The following LIN7A variants were observed in gnomAD, a reference collection of about 807,000 sequenced individuals.
The protein encoded by LIN7A is protein lin-7 homolog A.
Under a neutral mutation model 29.8 loss-of-function variants are expected in LIN7A, and 25 were observed. That is an observed-to-expected ratio of 0.84 (90% CI 0.61 to 1.17). The LOEUF (loss-of-function observed/expected upper bound fraction) is 1.17. LIN7A is among the 50% of genes most tolerant of loss of function. The probability of loss-of-function intolerance (pLI) is 0.00; values close to 1 mark genes in which losing one functional copy is unlikely to be tolerated. For synonymous variants in LIN7A, 118 were observed against 107.5 expected (o/e 1.10, Z -0.60); for missense variants, 239 against 287.0 (o/e 0.83, Z 1.21).
Position 80,811,445 on chromosome 12 carries a change from T to C in LIN7A, c.*20A>G. 1.1e-6 allele frequency: 1 copy of C among 870,828 alleles called. No individual in the cohort carries two copies. Among genetic ancestry groups the C allele is most frequent in the Middle Eastern group, 2.5e-4 (1 of 3,924 alleles). The allele number at this position is 870,828 out of a possible 1,614,324, so 53.9% of individuals were successfully genotyped here. On this transcript the variant is annotated intron_variant, in intron 5 of 5. Coordinates refer to ENST00000552864, the MANE Select transcript of LIN7A (RefSeq NM_004664.4). ...TATATATATATATATACTCCTTGTA[T>C]AGAATAAGTCACTTCTCACCTATGA...
intron 4 of LIN7A, chr12:80,832,456 T>G (rs893582482): frequency 4.5e-6 from 2 of 442,720 alleles, no homozygotes; most frequent in African/African-American, 4.2e-5. Context: ...CCATGGTAAT[T>G]GGGATCAACT....
chr12:80,848,168 G>T, intron 3 of LIN7A, 83 bp downstream of exon 3: 2 of 999,936 alleles, frequency 2.0e-6, no homozygotes, highest in South Asian at 2.7e-5. Context: ...GTGTACACAC[G>T]AGAATACCTG....
intron 4 of LIN7A, among the ~76,000 whole-genome samples, chr12:80,826,470 T>C (rs1332181141): frequency 6.6e-6 from 1 of 152,170 alleles, no homozygotes; most frequent in Non-Finnish European, 1.5e-5. Context: ...TTATGATTTC[T>C]TGCCTGGATT....
At chr12:80,814,788 T>G (rs1386387820) in intron 4 of LIN7A, among the ~76,000 whole-genome samples, 1 of 152,202 alleles carries the variant, frequency 6.6e-6, no homozygotes, top group Non-Finnish European at 1.5e-5. Context: ...CCAGAAATTT[T>G]GCCTTCATGC....
intron 2 of LIN7A, among the ~76,000 whole-genome samples, chr12:80,882,323 C>A (rs1875096503): frequency 1.7e-5 from 1 of 59,110 alleles, no homozygotes; most frequent in Non-Finnish European, 5.1e-5. Context: ...CTCGCTCTGT[C>A]GCCCAGGCTG....
chr12:80,835,142 G>A (rs1872547037), intron 4 of LIN7A, among the ~76,000 whole-genome samples: 1 of 152,112 alleles, frequency 6.6e-6, no homozygotes, highest in Non-Finnish European at 1.5e-5. Context: ...AACAGAAGAA[G>A]GACCATTACT....
chr12:80,899,765 C>CTTTT (rs760389788), intron 1 of LIN7A, among the ~76,000 whole-genome samples: 1,135 of 109,894 alleles, frequency 0.01, 232 homozygotes, highest in East Asian at 0.02. Context: ...TTCTTTTTTT[C>CTTTT]TTTTCTTTTT....
At chr12:80,910,962 ATTTC>A (rs2120800720) in intron 1 of LIN7A, among the ~76,000 whole-genome samples, 2 of 152,254 alleles carry the variant, frequency 1.3e-5, no homozygotes, top group South Asian at 4.1e-4. Context: ...AACTGATAGT[ATTTC>A]TTTGTTATAT....
intron 4 of LIN7A, among the ~76,000 whole-genome samples, chr12:80,836,378 T>A (rs557118813): frequency 5.3e-4 from 81 of 152,296 alleles, no homozygotes; most frequent in Admixed American, 2.8e-3. Flanking sequence ...AACTAGCTCC[T>A]GGCATGGTGG....
rs1870376503 is a variant in LIN7A, at chr12:80,794,898, T to G, written c.*2829A>C. 1 of 152,186 alleles carries G rather than the reference T, an allele frequency of 6.6e-6. No individual in the cohort carries two copies. Among genetic ancestry groups the G allele is most frequent in the Non-Finnish European group, 1.5e-5 (1 of 68,012 alleles). The allele number at this position is 152,186 out of a possible 1,614,324, so 9.4% of individuals were successfully genotyped here. On this transcript the variant is annotated 3_prime_UTR_variant, in exon 6 of 6. Transcript: ENST00000552864. ...AGGCTTGGAAACTCTTTTACTGAAC[T>G]GTGCTCTATGTATTTGCCTTCAAAA...
chr12:80,817,232 AT>A (rs1313277022), intron 4 of LIN7A, among the ~76,000 whole-genome samples: 1 of 152,112 alleles, frequency 6.6e-6, no homozygotes, highest in Non-Finnish European at 1.5e-5. Context: ...GAGAATTTGA[AT>A]TGCACTACAT....
At chr12:80,857,062 T>C (rs1873637340) in intron 2 of LIN7A, among the ~76,000 whole-genome samples, 1 of 152,142 alleles carries the variant, frequency 6.6e-6, no homozygotes, top group African/African-American at 2.4e-5. Flanking sequence ...CTAGTGGTAT[T>C]GATAGTGTCT....
At chr12:80,893,305 G>A (rs917638906) in intron 1 of LIN7A, among the ~76,000 whole-genome samples, 21 of 152,166 alleles carry the variant, frequency 1.4e-4, no homozygotes, top group Non-Finnish European at 2.5e-4. Flanking sequence ...GGAATCACCC[G>A]TGAAATTTTT....
intron 4 of LIN7A, among the ~76,000 whole-genome samples, chr12:80,833,626 C>T (rs775831310): frequency 1.3e-5 from 2 of 152,182 alleles, no homozygotes; most frequent in Admixed American, 1.3e-4. Context: ...CTTATGGTGT[C>T]TTCCATGATG....
intron 1 of LIN7A, among the ~76,000 whole-genome samples, chr12:80,903,401 C>CT (rs1294146909): frequency 6.6e-6 from 1 of 152,062 alleles, no homozygotes; most frequent in African/African-American, 2.4e-5. Context: ...ATTCCACACT[C>CT]TATGTCCATG....
At chr12:80,839,440 C>CAA (rs1872714467) in intron 4 of LIN7A, among the ~76,000 whole-genome samples, 1 of 152,148 alleles carries the variant, frequency 6.6e-6, no homozygotes, top group African/African-American at 2.4e-5. Context: ...ACAGCAGTGT[C>CAA]TGGCATTCAA....
intron 1 of LIN7A, among the ~76,000 whole-genome samples, chr12:80,926,376 T>A (rs4601851): frequency 2.6e-5 from 4 of 152,004 alleles, no homozygotes; most frequent in Non-Finnish European, 4.4e-5. Flanking sequence ...TATAAATTAC[T>A]TTTCCATCAA....
intron 1 of LIN7A, among the ~76,000 whole-genome samples, chr12:80,922,952 C>T (rs1877390781): frequency 6.6e-6 from 1 of 152,138 alleles, no homozygotes; most frequent in East Asian, 1.9e-4. Flanking sequence ...GGTCTTGGCA[C>T]ATACCCCCTT....
intron 4 of LIN7A, among the ~76,000 whole-genome samples, chr12:80,813,845 T>G (rs887307028): frequency 6.6e-6 from 1 of 152,230 alleles, no homozygotes; most frequent in African/African-American, 2.4e-5. Context: ...CAAGGCCTTT[T>G]TGCCTTGCTT....
Sources: allele counts gnomAD v4.1 joint callset (sites outside exome capture counted in the v4.1 genomes callset), GRCh38; gene constraint gnomAD v4.1.1; transcripts MANE v1.5; gene names NCBI Gene and HGNC (gene_info 2026-07-23, HGNC 2026-07-21).